The following SCN8A variants were observed in gnomAD, a reference collection of about 807,000 sequenced individuals.
SCN8A encodes the protein sodium channel protein type 8 subunit alpha.
Under a neutral mutation model 184.1 loss-of-function variants are expected in SCN8A, and 30 were observed. The observed-to-expected ratio is 0.16, with a 90% CI of 0.12 to 0.22. The LOEUF (loss-of-function observed/expected upper bound fraction) is 0.22, where lower values mean the gene tolerates loss of function less well. Ranked by LOEUF, SCN8A falls within the 10% of genes least tolerant of loss-of-function variation. The pLI, the probability that SCN8A is intolerant of heterozygous loss-of-function variation, is 1.00. For missense variants in SCN8A, 1,057 were observed against 2,498.9 expected, an observed-to-expected ratio of 0.42 and a Z score of 12.30; for synonymous variants, 852 against 907.0, an observed-to-expected ratio of 0.94 and a Z score of 1.09.
intron 1 of SCN8A, among the ~76,000 whole-genome samples, chr12:51,591,674 C>T (rs888771085): frequency 3.0e-4 from 46 of 152,192 alleles, no homozygotes; most frequent in Non-Finnish European, 5.0e-4. Flanking sequence ...CTTGGTGCCC[C>T]TTCCGCGGTG....
At chr12:51,603,722 C>G (rs1939521047) in intron 1 of SCN8A, among the ~76,000 whole-genome samples, 2 of 151,888 alleles carry the variant, frequency 1.3e-5, no homozygotes, top group South Asian at 2.1e-4. Flanking sequence ...TTGGAATTGT[C>G]AGGTTTAAAT....
At chr12:51,777,669 C>T (rs1263771909) in intron 20 of SCN8A, among the ~76,000 whole-genome samples, 6 of 152,264 alleles carry the variant, frequency 3.9e-5, no homozygotes, top group East Asian at 1.9e-4. Context: ...CTCCCAGCAA[C>T]GTTTAGAGCC....
At chr12:51,787,489 T>C (rs2138905724) in intron 22 of SCN8A, among the ~76,000 whole-genome samples, 1 of 152,368 alleles carries the variant, frequency 6.6e-6, no homozygotes, top group South Asian at 2.1e-4. Context: ...GATTTGAACA[T>C]ACTCTGATAC....
At chr12:51,708,539 A>G (rs1941821066) in intron 11 of SCN8A, among the ~76,000 whole-genome samples, 1 of 152,204 alleles carries the variant, frequency 6.6e-6, no homozygotes, top group African/African-American at 2.4e-5. Flanking sequence ...ATGGCAGTAT[A>G]TCCAGTGTCT....
intron 26 of SCN8A, among the ~76,000 whole-genome samples, chr12:51,797,790 G>C (rs1938450642): frequency 6.6e-6 from 1 of 152,162 alleles, no homozygotes; most frequent in Admixed American, 6.5e-5. Flanking sequence ...TCCCTTCTTA[G>C]ACTGTTGACT....
intron 25 of SCN8A, 123 bp from the exon 26 acceptor site, chr12:51,794,248 G>A (rs1011706816): frequency 4.0e-5 from 35 of 877,044 alleles, no homozygotes; most frequent in African/African-American, 3.0e-4. Flanking sequence ...TAGAGCAGCA[G>A]AGCTGACCAG....
chr12:51,674,949 C>T (rs1299048815), intron 2 of SCN8A, among the ~76,000 whole-genome samples: 1 of 152,112 alleles, frequency 6.6e-6, no homozygotes, highest in Non-Finnish European at 1.5e-5. Context: ...TCTTTCTGGC[C>T]TCAAAGCCTG....
At chr12:51,658,112 C>T (rs889207224) in intron 1 of SCN8A, among the ~76,000 whole-genome samples, 3 of 151,980 alleles carry the variant, frequency 2.0e-5, no homozygotes, top group African/African-American at 7.3e-5. Flanking sequence ...TTTTGTGGTT[C>T]CATAGAAATT....
chr12:51,629,350 T>C (rs1405666170), intron 1 of SCN8A, among the ~76,000 whole-genome samples: 1 of 152,140 alleles, frequency 6.6e-6, no homozygotes, highest in East Asian at 1.9e-4. Flanking sequence ...GTGGGGCTGT[T>C]CTGTGCATTG....
chr12:51,784,893 T>C (rs1311065796), intron 21 of SCN8A, among the ~76,000 whole-genome samples: 1 of 152,152 alleles, frequency 6.6e-6, no homozygotes, highest in African/African-American at 2.4e-5. Context: ...TGAATTGAGA[T>C]TAAAAAGCAG....
chr12:51,722,144 C>G, intron 12 of SCN8A: 1 of 619,550 alleles, frequency 1.6e-6, no homozygotes, highest in Non-Finnish European at 2.7e-6. Flanking sequence ...CTTCTCCTTT[C>G]CTTTATTCTT....
Position 51,769,016 on chromosome 12 carries a change from T to C in SCN8A, c.3053T>C (p.Phe1018Ser). The C allele has an allele frequency of 1.9e-6, 3 of 1,614,004 alleles. No homozygotes were observed. Among genetic ancestry groups the C allele is most frequent in the Non-Finnish European group, 2.5e-6 (3 of 1,179,894 alleles). ...VAWTKLKVHA[F>S]MQAHFKQREA... The stretch of plus-strand genomic sequence containing the variant: ...TGGACCAAACTAAAGGTGCACGCCT[T>C]CATGCAGGCCCACTTTAAGCAGCGT... The change falls in exon 17 of 27, where the codon TTC becomes TCC. Residue 1018 changes from phenylalanine to serine, a missense_variant. Phe to Ser is a radical substitution (Grantham distance 155, BLOSUM62 -2). Around this residue, in one of 19 missense-constraint regions of SCN8A, gnomAD observed 178 missense variants for 259.6 expected, o/e 0.69. Coordinates refer to ENST00000627620, the MANE Select transcript of SCN8A (RefSeq NM_001330260.2).
chr12:51,705,310 T>C (rs935446630), intron 9 of SCN8A, 107 bp from the exon 10 acceptor site: 2 of 956,492 alleles, frequency 2.1e-6, no homozygotes, highest in African/African-American at 3.2e-5. Flanking sequence ...GAAACAGTCC[T>C]GTACAAAATG....
At chr12:51,743,596 T>C (rs1942461228) in intron 12 of SCN8A, among the ~76,000 whole-genome samples, 1 of 152,178 alleles carries the variant, frequency 6.6e-6, no homozygotes, top group Non-Finnish European at 1.5e-5. Context: ...CCTCTGGCCA[T>C]TACTGCTGAG....
intron 12 of SCN8A, among the ~76,000 whole-genome samples, chr12:51,732,260 A>G (rs941848304): frequency 2.0e-5 from 3 of 152,214 alleles, no homozygotes; most frequent in Non-Finnish European, 1.5e-5. Context: ...GGTGAAAGAC[A>G]GGGGACTAGT....
chr12:51,778,077 T>C (rs892939225), intron 20 of SCN8A, among the ~76,000 whole-genome samples: 2 of 152,164 alleles, frequency 1.3e-5, no homozygotes, highest in African/African-American at 4.8e-5. Context: ...TGCTACTATG[T>C]TCTAGATAGG....
intron 1 of SCN8A, among the ~76,000 whole-genome samples, chr12:51,595,938 C>G (rs1939339238): frequency 1.3e-5 from 2 of 152,174 alleles, no homozygotes; most frequent in African/African-American, 4.8e-5. Flanking sequence ...TCCACCAACA[C>G]AGTGCAAATG....
intron 14 of SCN8A, among the ~76,000 whole-genome samples, chr12:51,752,448 A>G (rs532175694): frequency 5.3e-5 from 8 of 152,196 alleles, no homozygotes; most frequent in African/African-American, 1.7e-4. Flanking sequence ...CACACCACAC[A>G]GTTTTGACCT....
At chr12:51,638,737 A>G (rs1202783297) in intron 1 of SCN8A, among the ~76,000 whole-genome samples, 6 of 152,098 alleles carry the variant, frequency 3.9e-5, no homozygotes, top group Non-Finnish European at 8.8e-5. Flanking sequence ...CACCCTCCTC[A>G]GCCTCCCAAA....
Sources: gnomAD v4.1 joint callset for allele counts (sites outside exome capture counted in the v4.1 genomes callset) on GRCh38, gnomAD v4.1.1 for gene constraint, gnomAD v4.1.1 regional missense constraint, MANE v1.5 for transcripts, NCBI Gene and HGNC (gene_info 2026-07-23, HGNC 2026-07-21) for gene names.